The following FBXL7 variants were observed in gnomAD, a reference collection of about 807,000 sequenced individuals.
The protein encoded by FBXL7 is F-box and leucine rich repeat protein 7, also known as F-box/LRR-repeat protein 7.
Under a neutral mutation model 38.3 loss-of-function variants are expected in FBXL7, and 12 were observed. That is an observed-to-expected ratio of 0.31 (90% CI 0.20 to 0.51). FBXL7 has a LOEUF of 0.51. FBXL7 is among the 20% of genes least tolerant of loss of function. The pLI, the probability that FBXL7 is intolerant of heterozygous loss-of-function variation, is 0.98. For missense variants in FBXL7, 567 were observed against 676.4 expected (o/e 0.84, Z 1.79); for synonymous variants, 297 against 300.9 (o/e 0.99, Z 0.13).
chr5:15,817,785 C>T (rs143461157), intron 2 of FBXL7, among the ~76,000 whole-genome samples: 5 of 152,274 alleles, frequency 3.3e-5, no homozygotes, highest in East Asian at 1.9e-4. Context: ...TGTGGAACTG[C>T]GAGTCCACTA....
chr5:15,593,975 A>G (rs1000185118), intron 1 of FBXL7, among the ~76,000 whole-genome samples: 2 of 152,158 alleles, frequency 1.3e-5, no homozygotes, highest in Non-Finnish European at 2.9e-5. Context: ...AACCTTTTTA[A>G]CCTATGAAAA....
chr5:15,540,789 T>G (rs1195455464), intron 1 of FBXL7, among the ~76,000 whole-genome samples: 1 of 152,028 alleles, frequency 6.6e-6, no homozygotes, highest in African/African-American at 2.4e-5. Context: ...GTGGTGGAAA[T>G]AGGATGAGAG....
intron 2 of FBXL7, among the ~76,000 whole-genome samples, chr5:15,828,891 A>G (rs1449137720): frequency 6.6e-6 from 1 of 152,228 alleles, no homozygotes; most frequent in Non-Finnish European, 1.5e-5. Context: ...TGGATCTGAG[A>G]AACAGATTGA....
At chr5:15,595,729 A>G (rs1739607964) in intron 1 of FBXL7, among the ~76,000 whole-genome samples, 2 of 152,180 alleles carry the variant, frequency 1.3e-5, no homozygotes, top group Admixed American at 1.3e-4. Flanking sequence ...AATGAATAGT[A>G]GCAAAAAGAT....
intron 1 of FBXL7, among the ~76,000 whole-genome samples, chr5:15,559,389 A>G (rs1738344594): frequency 6.6e-6 from 1 of 152,166 alleles, no homozygotes; most frequent in Non-Finnish European, 1.5e-5. Context: ...ATATTTATGG[A>G]TGTGCACATG....
At chr5:15,800,029 T>G (rs1468417089) in intron 2 of FBXL7, among the ~76,000 whole-genome samples, 1 of 152,206 alleles carries the variant, frequency 6.6e-6, no homozygotes, top group East Asian at 1.9e-4. Flanking sequence ...TGGGAGGGGT[T>G]TTCTGCCTTG....
chr5:15,809,415 T>C (rs1418801598), intron 2 of FBXL7, among the ~76,000 whole-genome samples: 1 of 152,170 alleles, frequency 6.6e-6, no homozygotes, highest in Non-Finnish European at 1.5e-5. Flanking sequence ...AATATATTTC[T>C]TTCTACAAAA....
chr5:15,539,531 G>A (rs527785552), intron 1 of FBXL7, among the ~76,000 whole-genome samples: 17 of 152,036 alleles, frequency 1.1e-4, no homozygotes, highest in African/African-American at 3.1e-4. Flanking sequence ...TTTATCTTCC[G>A]TAGAAGCTTC....
At chr5:15,559,728 G>A (rs1177527120) in intron 1 of FBXL7, among the ~76,000 whole-genome samples, 1 of 152,206 alleles carries the variant, frequency 6.6e-6, no homozygotes, top group Non-Finnish European at 1.5e-5. Context: ...TGGAGTTAGG[G>A]CAAAGATTTG....
Position 15,758,602 on chromosome 5 carries a change from A to G in FBXL7, c.127+142530A>G, listed in dbSNP as rs1579439326. ...CCATTTTGCAACAATTAACATGTTA[A>G]AGAAATGCATCTATTTATATAGAAA... On this transcript the variant is annotated intron_variant, in intron 2 of 3. Transcript: ENST00000504595. Among the ~76,000 whole-genome samples, 3 of 152,322 alleles carry G rather than the reference A, an allele frequency of 2.0e-5. No individual in the cohort carries two copies. The East Asian group carries it at 5.8e-4, about 29-fold the overall frequency.
chr5:15,599,821 G>A (rs992832620), intron 1 of FBXL7, among the ~76,000 whole-genome samples: 8 of 152,170 alleles, frequency 5.3e-5, no homozygotes, highest in Non-Finnish European at 1.5e-5. Context: ...AAAATGACGA[G>A]GTTCATAAAT....
intron 1 of FBXL7, among the ~76,000 whole-genome samples, chr5:15,514,192 A>G (rs1736872870): frequency 6.6e-6 from 1 of 152,232 alleles, no homozygotes; most frequent in African/African-American, 2.4e-5. Flanking sequence ...CATGGGTAAT[A>G]AAGATACAAC....
At chr5:15,862,475 A>AT (rs1739518583) in intron 2 of FBXL7, among the ~76,000 whole-genome samples, 1 of 152,194 alleles carries the variant, frequency 6.6e-6, no homozygotes, top group South Asian at 2.1e-4. Flanking sequence ...AAAACCGGGC[A>AT]TTTTATGTAT....
At chr5:15,822,222 T>TC (rs1738189558) in intron 2 of FBXL7, among the ~76,000 whole-genome samples, 1 of 148,086 alleles carries the variant, frequency 6.8e-6, no homozygotes, top group South Asian at 2.1e-4. Context: ...ATAGGCTGGG[T>TC]TTGGTGGCAC....
chr5:15,501,847 C>G (rs1736494594), intron 1 of FBXL7: 2 of 589,792 alleles, frequency 3.4e-6, no homozygotes, highest in Middle Eastern at 8.8e-4. Context: ...CATGTTTTGA[C>G]TTCCATATGT....
At position 15,522,182 on chromosome 5, in the gene FBXL7, C is replaced by T. The variant is rs528739792; in HGVS notation, c.37+21469C>T. Among the ~76,000 whole-genome samples, 4 of 152,286 alleles carry T rather than the reference C, an allele frequency of 2.6e-5. No individual in the cohort carries two copies. The South Asian group carries it at 8.3e-4, about 32-fold the overall frequency. On this transcript the variant is annotated intron_variant, in intron 1 of 3. Transcript: ENST00000504595. Reference sequence around the variant, plus strand: ...CATTACTATTTTATTATTCTTCCAGCTCTAGTGGGTCTCTCCTGCCCCTCC... The same window carrying T: ...CATTACTATTTTATTATTCTTCCAGTTCTAGTGGGTCTCTCCTGCCCCTCC...
chr5:15,660,140 C>A (rs939279248), intron 2 of FBXL7, among the ~76,000 whole-genome samples: 1 of 152,124 alleles, frequency 6.6e-6, no homozygotes, highest in Non-Finnish European at 1.5e-5. Flanking sequence ...CAACGGTGTC[C>A]CCTTTAGGCA....
At chr5:15,632,950 C>A (rs1741048428) in intron 2 of FBXL7, among the ~76,000 whole-genome samples, 1 of 152,132 alleles carries the variant, frequency 6.6e-6, no homozygotes, top group African/African-American at 2.4e-5. Context: ...GAACATCACA[C>A]AATATACCCA....
chr5:15,912,095 TG>T (rs1741444823), intron 2 of FBXL7, among the ~76,000 whole-genome samples: 1 of 40,660 alleles, frequency 2.5e-5, no homozygotes, highest in Non-Finnish European at 4.1e-5. Flanking sequence ...TAAGCAAGCC[TG>T]GGCAATGGCG....
Sources: gnomAD v4.1 joint callset for allele counts (sites outside exome capture counted in the v4.1 genomes callset) on GRCh38, gnomAD v4.1.1 for gene constraint, MANE v1.5 for transcripts, NCBI Gene and HGNC (gene_info 2026-07-23, HGNC 2026-07-21) for gene names.